KMT5B: variants seen among roughly 807,000 people sequenced by gnomAD.
KMT5B encodes the protein lysine methyltransferase 5B.
In KMT5B, 10 loss-of-function variants were observed where a neutral mutation model predicts 83.2. That is an observed-to-expected ratio of 0.12 (90% CI 0.07 to 0.20). The LOEUF (loss-of-function observed/expected upper bound fraction) is 0.20, where lower values mean the gene tolerates loss of function less well. Among genes scored for constraint, KMT5B ranks in the 10% least tolerant of loss-of-function variants. KMT5B has a pLI of 1.00. For missense variants in KMT5B, 753 were observed against 1,067.2 expected (o/e 0.71, Z 4.10); for synonymous variants, 349 against 388.8 (o/e 0.90, Z 1.20).
intron 2 of KMT5B, among the ~76,000 whole-genome samples, chr11:68,189,318 C>G (rs559715953): frequency 1.3e-5 from 2 of 152,304 alleles, no homozygotes; most frequent in South Asian, 4.1e-4. Context: ...CTACAACTTC[C>G]TGAACTCTCA....
intron 10 of KMT5B, chr11:68,166,658 C>T: frequency 9.1e-7 from 1 of 1,101,986 alleles, no homozygotes; most frequent in Non-Finnish European, 1.1e-6. Flanking sequence ...TGTCTTCTTG[C>T]AGGACTTAGC....
Position 68,167,067 on chromosome 11 carries a change from C to T in KMT5B, c.1089G>A (p.Lys363=). 6.2e-7 allele frequency: 1 copy of T among 1,614,160 alleles called. No individual in the cohort carries two copies. The highest frequency in any genetic ancestry group is 8.5e-7 in the Non-Finnish European group (1 of 1,180,044). ...CTGAATTTTTGCTGCTGTCACCTAA[C>T]TTTTTAAGCCTATTTAAACGTTTAT... ...ETDKRLNRLK[K]LGDSSKNSDS... Residue 363 remains lysine (K), a synonymous_variant, in exon 10 of 11, where the codon AAG becomes AAA. Transcript: ENST00000304363.
At chr11:68,167,384 A>G in intron 9 of KMT5B, among the ~76,000 whole-genome samples, 1 of 152,216 alleles carries the variant, frequency 6.6e-6, no homozygotes, top group Middle Eastern at 3.4e-3. Flanking sequence ...TAAAATAATA[A>G]AACAACTTGT....
At position 68,174,878 on chromosome 11, in the gene KMT5B, T is replaced by C. The variant is rs2153055732; in HGVS notation, c.543+140A>G. The C allele has an allele frequency of 5.2e-6, 4 of 770,030 alleles. No individual in the cohort carries two copies. The East Asian group carries it at 8.4e-5, about 16-fold the overall frequency. The allele number at this position is 770,030 out of a possible 1,614,324, so 47.7% of individuals were successfully genotyped here. On this transcript the variant is annotated intron_variant, in intron 5 of 10. Coordinates refer to ENST00000304363, the MANE Select transcript of KMT5B (RefSeq NM_017635.5). ...CTCTGGACTGTCATCCAAATGACTG[T>C]ATGTGTTACAAGATCTTCAGACTGA... is the stretch of plus-strand genomic sequence containing the variant.
At chr11:68,163,397 G>A (rs189995543) in intron 10 of KMT5B, among the ~76,000 whole-genome samples, 1 of 152,286 alleles carries the variant, frequency 6.6e-6, no homozygotes, top group East Asian at 1.9e-4. Flanking sequence ...TTAAAATCAC[G>A]CTTATGCTGC....
At chr11:68,173,686 T>C in intron 6 of KMT5B, 118 bp downstream of exon 6, 1 of 671,866 alleles carries the variant, frequency 1.5e-6, no homozygotes, top group Non-Finnish European at 2.5e-6. Flanking sequence ...GGCGATGCAT[T>C]GGCTACTTCA....
In KMT5B at chr11:68,158,517, G is replaced by C; in HGVS notation, c.1829C>G (p.Ser610Cys). Residue 610 changes from serine to cysteine, a missense_variant, in exon 11 of 11, where the codon TCC becomes TGC. Around this residue, in one of 9 missense-constraint regions of KMT5B, gnomAD observed 397 missense variants for 395.9 expected, o/e 1.00. Coordinates refer to ENST00000304363, the MANE Select transcript of KMT5B (RefSeq NM_017635.5). The stretch of plus-strand genomic sequence containing the variant: ...TTTTCCTTGTCGTGACTTCTTTTTG[G>C]ACATGCCTGTGTCACTCTTATGACA... ...AKCHKSDTGMSKKKSRQGKLV... is the reference protein window; with the variant it reads ...AKCHKSDTGMCKKKSRQGKLV... The C allele has an allele frequency of 6.2e-7, 1 of 1,614,042 alleles. No homozygotes were observed. Among genetic ancestry groups the C allele is most frequent in the Non-Finnish European group, 8.5e-7 (1 of 1,180,008 alleles).
At chr11:68,206,696 C>T (rs895439863) in intron 1 of KMT5B, among the ~76,000 whole-genome samples, 4 of 152,120 alleles carry the variant, frequency 2.6e-5, no homozygotes, top group African/African-American at 9.7e-5. Context: ...AAGGTCTCCC[C>T]TTCCAAGTAA....
intron 10 of KMT5B, among the ~76,000 whole-genome samples, chr11:68,162,127 T>C (rs866306490): frequency 7.2e-5 from 11 of 152,166 alleles, no homozygotes; most frequent in African/African-American, 2.7e-4. Context: ...CTGCAACCTG[T>C]CTACTCTTCC....
chr11:68,160,083 C>A (rs574361706), intron 10 of KMT5B, among the ~76,000 whole-genome samples: 1 of 152,290 alleles, frequency 6.6e-6, no homozygotes, highest in Admixed American at 6.5e-5. Context: ...TACAGAACTA[C>A]TAGGTAGAAA....
At chr11:68,193,863 T>A (rs1858382864) in intron 1 of KMT5B, among the ~76,000 whole-genome samples, 1 of 150,164 alleles carries the variant, frequency 6.7e-6, no homozygotes, top group Non-Finnish European at 1.5e-5. Flanking sequence ...TGCAGTGGTG[T>A]GATGATGGCT....
chr11:68,176,054 A>T (rs549836094), intron 4 of KMT5B, among the ~76,000 whole-genome samples: 47 of 152,044 alleles, frequency 3.1e-4, no homozygotes, highest in Middle Eastern at 6.8e-3. Context: ...AGCTGGGATG[A>T]CAGGCGTGCG....
At chr11:68,164,045 AG>A (rs1319613690) in intron 10 of KMT5B, among the ~76,000 whole-genome samples, 1 of 152,112 alleles carries the variant, frequency 6.6e-6, no homozygotes, top group African/African-American at 2.4e-5. Flanking sequence ...CTAACTTCAG[AG>A]GGGGCAGCCC....
chr11:68,176,928 A>G lies in KMT5B; in HGVS notation c.378-1745T>C, dbSNP rs183052137. 1.1e-4 allele frequency among the ~76,000 whole-genome samples: 17 copies of G among 152,362 alleles called. No homozygotes were observed. The East Asian group carries it at 3.3e-3, about 29-fold the overall frequency. On this transcript the variant is annotated intron_variant, in intron 4 of 10. Coordinates refer to ENST00000304363, the MANE Select transcript of KMT5B (RefSeq NM_017635.5). The stretch of plus-strand genomic sequence containing the variant: ...ACATTTAAAATTGTACATTTCATAA[A>G]CCTGAATATGCTAAAATTGAGGTAA...
Position 68,155,431 on chromosome 11 carries a change from A to T in KMT5B, c.*2257T>A, listed in dbSNP as rs553536865. Reference sequence around the variant, plus strand: ...GGCCTCCAAAGAGGAGGCCATGATAAAATTAAAACATCAAAAATAAGTTAC... The same window carrying T: ...GGCCTCCAAAGAGGAGGCCATGATATAATTAAAACATCAAAAATAAGTTAC... On this transcript the variant is annotated 3_prime_UTR_variant, in exon 11 of 11. Transcript: ENST00000304363. 6.6e-6 allele frequency: 1 copy of T among 152,238 alleles called. No individual in the cohort carries two copies. Among genetic ancestry groups the T allele is most frequent in the East Asian group, 1.9e-4 (1 of 5,206 alleles). The allele number at this position is 152,238 out of a possible 1,614,324, so 9.4% of individuals were successfully genotyped here. A position where few individuals can be genotyped will look rare whatever the true frequency, so the allele number is the denominator to read the frequency against.
chr11:68,205,842 A>C (rs1465677554), intron 1 of KMT5B, among the ~76,000 whole-genome samples: 1 of 152,058 alleles, frequency 6.6e-6, no homozygotes, highest in African/African-American at 2.4e-5. Flanking sequence ...GGATGGTCTC[A>C]ATCTCCTGAC....
At position 68,191,173 on chromosome 11, in the gene KMT5B, T is replaced by TTGTGTGTGTGTGTGTG. The variant is rs71040600; in HGVS notation, c.-76-1037_-76-1022dup. 9.4e-3 allele frequency among the ~76,000 whole-genome samples: 1,315 copies of TTGTGTGTGTGTGTGTG among 139,246 alleles called. 11 individuals are homozygous for TTGTGTGTGTGTGTGTG. The highest frequency in any genetic ancestry group is 0.011 in the African/African-American group (399 of 37,126). The allele number at this position is 139,246 out of a possible 152,430, so 91.4% of individuals were successfully genotyped here. Reference sequence around the variant, plus strand: ...ACCACATCCAGTTAATTTTAAAACTTTGTGTGTGTGTGTGTGTGTGTGTGT... The same window carrying TTGTGTGTGTGTGTGTG: ...ACCACATCCAGTTAATTTTAAAACTTTGTGTGTGTGTGTGTGTGTGTGTGTGTGTGTGTGTGTGTGT... On this transcript the variant is annotated intron_variant, in intron 1 of 10. Transcript: ENST00000304363.
intron 1 of KMT5B, among the ~76,000 whole-genome samples, chr11:68,196,402 T>C (rs117311769): frequency 1.8e-3 from 273 of 150,664 alleles, no homozygotes; most frequent in Admixed American, 2.7e-3. Context: ...AAGTGTCTGC[T>C]TCCTTAATTG....
rs371476353 is a variant in KMT5B, at chr11:68,171,556, C to T, written c.807G>A (p.Ala269=). The T allele has an allele frequency of 7.4e-5, 119 of 1,613,130 alleles. No homozygotes were observed. Among genetic ancestry groups the T allele is most frequent in the Non-Finnish European group, 9.8e-5 (116 of 1,179,772 alleles). ...NCAQLWLGPA[A]FINHDCRPNC... Reference sequence around the variant, plus strand: ...AACACAGCTTACCATGGTTTATAAACGCAGCAGGACCCAGCCAGAGTTGAG... The same window carrying T: ...AACACAGCTTACCATGGTTTATAAATGCAGCAGGACCCAGCCAGAGTTGAG... Residue 269 remains alanine (A), a synonymous_variant, in exon 7 of 11, where the codon GCG becomes GCA. Transcript: ENST00000304363. The surrounding 1 kb of genome is among the most constrained non-coding windows in gnomAD (Gnocchi z 5.1).
Sources: gnomAD v4.1 joint callset for allele counts (sites outside exome capture counted in the v4.1 genomes callset) on GRCh38, gnomAD v4.1.1 for gene constraint, gnomAD v4.1.1 regional missense constraint, Gnocchi (gnomAD v3.1) non-coding constraint, MANE v1.5 for transcripts, NCBI Gene and HGNC (gene_info 2026-07-23, HGNC 2026-07-21) for gene names.